Variants in EDARADD observed in about 807,000 individuals in gnomAD.
EDARADD encodes the protein EDAR associated via death domain.
In EDARADD, 20 loss-of-function variants were observed where a neutral mutation model predicts 25.6. That is an observed-to-expected ratio of 0.78 (90% CI 0.55 to 1.14). The LOEUF is 1.14. Among genes scored for constraint, EDARADD ranks in the 50% most tolerant of loss-of-function variants. The pLI is 0.00. For synonymous variants in EDARADD, 86 were observed against 94.4 expected (o/e 0.91, Z 0.52); for missense variants, 225 against 270.1 (o/e 0.83, Z 1.17).
At chr1:236,394,612 T>C in intron 1 of EDARADD, 107 bp downstream of exon 1, 1 of 988,968 alleles carries the variant, frequency 1.0e-6, no homozygotes, top group Non-Finnish European at 1.5e-6. Flanking sequence ...AATACTATTA[T>C]TATCTTTTTC....
rs1658395665 is a variant in EDARADD at position 236,441,415 on chromosome 1, A to G, written c.219+13965A>G. On this transcript the variant is annotated intron_variant, in intron 4 of 5. Coordinates refer to ENST00000334232, the MANE Select transcript of EDARADD (RefSeq NM_145861.4). The stretch of plus-strand genomic sequence containing the variant: ...AGATATATGAGATATATATAGAAGA[A>G]AGCCCTAGATGGCATCTTCTTCCAG... Among the ~76,000 whole-genome samples, 2 of 145,400 alleles carry G rather than the reference A, an allele frequency of 1.4e-5. 1 individual carries two copies. Among genetic ancestry groups the G allele is most frequent in the African/African-American group, 5.0e-5 (2 of 40,100 alleles).
intron 4 of EDARADD, among the ~76,000 whole-genome samples, chr1:236,442,373 G>C (rs561847791): frequency 7.9e-5 from 12 of 152,034 alleles, no homozygotes; most frequent in Non-Finnish European, 1.8e-4. Context: ...TGATCCTCCC[G>C]CCTTGGCCTC....
intron 4 of EDARADD, among the ~76,000 whole-genome samples, chr1:236,430,347 A>G (rs1361925899): frequency 6.6e-6 from 1 of 152,098 alleles, no homozygotes; most frequent in Non-Finnish European, 1.5e-5. Flanking sequence ...TGCTCCTCAC[A>G]TTTTTTTGGT....
At chr1:236,418,326 C>A (rs1225148717) in intron 3 of EDARADD, among the ~76,000 whole-genome samples, 1 of 151,456 alleles carries the variant, frequency 6.6e-6, no homozygotes, top group East Asian at 1.9e-4. Flanking sequence ...CTCACTGCAA[C>A]CTTTGCCTCC....
intron 3 of EDARADD, among the ~76,000 whole-genome samples, chr1:236,366,144 C>T (rs1667110814): frequency 6.6e-6 from 1 of 152,198 alleles, no homozygotes; most frequent in South Asian, 2.1e-4. Flanking sequence ...TGCCTCTTCG[C>T]ATGCCTGGAA....
At chr1:236,404,566 A>G (rs567712323) in intron 1 of EDARADD, among the ~76,000 whole-genome samples, 3 of 152,330 alleles carry the variant, frequency 2.0e-5, no homozygotes, top group African/African-American at 7.2e-5. Flanking sequence ...CAGAACCGCA[A>G]TCAGAAAAAT....
chr1:236,484,655 C>T lies in EDARADD; in HGVS notation c.*2006C>T. ...TTCTACAGAAGCAGGTTGCAGTGAGCCGAGATTGCGCCACTGCACACCAGT... is the reference window on the plus strand; with the variant it reads ...TTCTACAGAAGCAGGTTGCAGTGAGTCGAGATTGCGCCACTGCACACCAGT... On this transcript the variant is annotated 3_prime_UTR_variant, in exon 6 of 6. Transcript: ENST00000334232. The surrounding 1 kb of genome is among the most constrained non-coding windows in gnomAD (Gnocchi z 4.1). The T allele has an allele frequency of 2.0e-6, 1 of 506,856 alleles. No individual in the cohort carries two copies. The highest frequency in any genetic ancestry group is 3.6e-6 in the Non-Finnish European group (1 of 277,114). The allele number at this position is 506,856 out of a possible 1,614,324, so 31.4% of individuals were successfully genotyped here. A position where few individuals can be genotyped will look rare whatever the true frequency, so the allele number is the denominator to read the frequency against.
intron 4 of EDARADD, among the ~76,000 whole-genome samples, chr1:236,467,418 A>ACACG (rs1553270550): frequency 2.7e-4 from 25 of 91,744 alleles, no homozygotes; most frequent in African/African-American, 1.3e-3. Context: ...TGGGAAGCAC[A>ACACG]CACACGCGCA....
At chr1:236,444,714 G>T (rs567285344) in intron 4 of EDARADD, among the ~76,000 whole-genome samples, 1 of 152,248 alleles carries the variant, frequency 6.6e-6, no homozygotes, top group South Asian at 2.1e-4. Flanking sequence ...GTGAGCCACC[G>T]CGCCTGACCA....
intron 2 of EDARADD, among the ~76,000 whole-genome samples, chr1:236,411,903 C>T (rs1284645138): frequency 1.3e-5 from 2 of 152,166 alleles, no homozygotes; most frequent in Non-Finnish European, 2.9e-5. Context: ...GCCTACCCTC[C>T]TCATAACTTA....
chr1:236,415,363 AT>A (rs748572443), intron 3 of EDARADD, among the ~76,000 whole-genome samples: 1 of 152,190 alleles, frequency 6.6e-6, no homozygotes, highest in Non-Finnish European at 1.5e-5. Context: ...TGCTTTAGGC[AT>A]GGTGCAGACC....
intron 2 of EDARADD, among the ~76,000 whole-genome samples, chr1:236,413,165 C>G (rs1657543360): frequency 6.6e-6 from 1 of 152,220 alleles, no homozygotes; most frequent in South Asian, 2.1e-4. Flanking sequence ...CACCCAGCCT[C>G]TTTTTGAAAC....
At chr1:236,480,511 T>C (rs1330053359) in intron 5 of EDARADD, among the ~76,000 whole-genome samples, 1 of 152,132 alleles carries the variant, frequency 6.6e-6, no homozygotes, top group African/African-American at 2.4e-5. Flanking sequence ...GCCTCAATAT[T>C]GCTGGTTTGC....
chr1:236,389,070 T>C (rs1290763980), intron 3 of EDARADD, among the ~76,000 whole-genome samples: 1 of 152,236 alleles, frequency 6.6e-6, no homozygotes, highest in Admixed American at 6.5e-5. Context: ...GAAGTTCATC[T>C]TTTGGAACAG....
At chr1:236,402,002 C>A (rs992198174) in intron 1 of EDARADD, among the ~76,000 whole-genome samples, 2 of 152,154 alleles carry the variant, frequency 1.3e-5, no homozygotes, top group African/African-American at 4.8e-5. Context: ...GCTCTTGTTG[C>A]CCAGGCTGGA....
chr1:236,452,204 A>G (rs1028779147), intron 4 of EDARADD, among the ~76,000 whole-genome samples: 10 of 152,264 alleles, frequency 6.6e-5, no homozygotes, highest in African/African-American at 2.2e-4. Context: ...CGCCCTCATC[A>G]CTTGGCTTGG....
chr1:236,463,520 C>T (rs1216601664), intron 4 of EDARADD, among the ~76,000 whole-genome samples: 20 of 152,180 alleles, frequency 1.3e-4, no homozygotes, highest in Non-Finnish European at 4.4e-5. Flanking sequence ...CTCGAACTCC[C>T]GACCTCAGGT....
chr1:236,356,917 C>T (rs532168730), intron 3 of EDARADD, among the ~76,000 whole-genome samples: 1 of 152,046 alleles, frequency 6.6e-6, no homozygotes, highest in East Asian at 1.9e-4. Flanking sequence ...AAACACGTCT[C>T]TAATAAAAAT....
At chr1:236,456,618 A>C (rs1658872231) in intron 4 of EDARADD, among the ~76,000 whole-genome samples, 1 of 151,786 alleles carries the variant, frequency 6.6e-6, no homozygotes, top group African/African-American at 2.4e-5. Context: ...CTCTGCCACC[A>C]CAGGAATGGC....
Sources: allele counts gnomAD v4.1 joint callset (sites outside exome capture counted in the v4.1 genomes callset), GRCh38; gene constraint gnomAD v4.1.1; non-coding constraint Gnocchi (gnomAD v3.1); transcripts MANE v1.5; gene names NCBI Gene and HGNC (gene_info 2026-07-23, HGNC 2026-07-21).